CCKAR: variants seen among roughly 807,000 people sequenced by gnomAD.
CCKAR encodes the protein cholecystokinin A receptor, also known as cholecystokinin receptor type A.
A neutral mutation model predicts 29.8 loss-of-function variants in CCKAR; 21 were observed. That is an observed-to-expected ratio of 0.70 (90% confidence interval 0.50 to 1.01). The LOEUF is 1.01. Ranked by LOEUF, CCKAR falls within the 50% of genes least tolerant of loss-of-function variation. The pLI is 0.00. For synonymous variants in CCKAR, 238 were observed against 221.3 expected (o/e 1.08, Z -0.67); for missense variants, 570 against 560.6 (o/e 1.02, Z -0.17).
Position 26,489,244 on chromosome 4 carries a change from G to A in CCKAR, c.353C>T (p.Thr118Ile), listed in dbSNP as rs202206580. The A allele has an allele frequency of 1.8e-4, 290 of 1,614,012 alleles. No individual in the cohort carries two copies. The highest frequency in any genetic ancestry group is 2.3e-4 in the Non-Finnish European group (272 of 1,180,010). The change falls in exon 2 of 5, where the codon ACC becomes ATC. Residue 118 changes from threonine to isoleucine, a missense_variant. Physicochemically the swap from Thr to Ile is moderately conservative, Grantham distance 89. Coordinates refer to ENST00000295589, the MANE Select transcript of CCKAR (RefSeq NM_000730.3). ...IFGSAVCKTTTYFMGTSVSVS... is the reference protein window; with the variant it reads ...IFGSAVCKTTIYFMGTSVSVS... ...CAGCAGCAACTTACCCATGAAGTAG[G>A]TGGTGGTCTTGCAAACGGCGCTCCC...
intron 4 of CCKAR, among the ~76,000 whole-genome samples, 191 bp downstream of exon 4, chr4:26,482,965 G>A (rs760490743): frequency 6.6e-6 from 1 of 152,216 alleles, no homozygotes; most frequent in Non-Finnish European, 1.5e-5. Context: ...TGAAAGGAAT[G>A]ATTTCCCCAT....
Position 26,485,668 on chromosome 4 carries a change from G to C in CCKAR, c.595C>G (p.Leu199Val). Residue 199 changes from leucine to valine, a missense_variant, in exon 3 of 5, where the codon CTA (leucine) becomes GTA (valine). By Grantham distance (32) the Leu-to-Val change is conservative. Transcript: ENST00000295589. ...TGCTGCATAACATCATTTGGCAGTA[G>C]AAAGCGGCACATATTCGCGGTCTGG... ...NNQTANMCRF[L>V]LPNDVMQQSW... is the part of the protein sequence containing the mutation. 1 of 1,614,182 alleles carries C rather than the reference G, an allele frequency of 6.2e-7. No homozygotes were observed. Among genetic ancestry groups the C allele is most frequent in the Non-Finnish European group, 8.5e-7 (1 of 1,180,030 alleles).
In CCKAR at chr4:26,489,225, C is replaced by T; in HGVS notation, c.364+8G>A. ...AAGCTCCAGAAAGAGTCACCAGCAG[C>T]AACTTACCCATGAAGTAGGTGGTGG... On this transcript the variant is annotated splice_region_variant and intron_variant, in intron 2 of 4. Coordinates refer to ENST00000295589, the MANE Select transcript of CCKAR (RefSeq NM_000730.3). The T allele has an allele frequency of 6.2e-7, 1 of 1,613,812 alleles. No individual in the cohort carries two copies. The highest frequency in any genetic ancestry group is 8.5e-7 in the Non-Finnish European group (1 of 1,179,790).
chr4:26,481,942 G>C lies in CCKAR; in HGVS notation c.983C>G (p.Pro328Arg). ...IVVLFFLCWM[P>R]IFSANAWRAY... ...CCGCCAGGCGTTGGCGCTGAAGATG[G>C]GCATCCAGCACAGGAAGAAGAGGAC... The change falls in exon 5 of 5, where the codon CCC becomes CGC. Residue 328 changes from proline to arginine, a missense_variant. Coordinates refer to ENST00000295589, the MANE Select transcript of CCKAR (RefSeq NM_000730.3). The C allele has an allele frequency of 6.2e-7, 1 of 1,614,230 alleles. No homozygotes were observed.
chr4:26,481,708 C>A lies in CCKAR; in HGVS notation c.1217G>T (p.Gly406Val). Residue 406 changes from glycine (G) to valine (V), a missense_variant, in exon 5 of 5, where the codon GGC becomes GTC. Gly to Val is a moderately radical substitution (Grantham distance 109). Transcript: ENST00000295589. ...GGACAGAGAGGCTCCTGTGGTCCCG[C>A]CTTCCTCCTCCTCCCCCACCTCTCC... ...ARGEVGEEEEGGTTGASLSRF... is the reference protein window; with the variant it reads ...ARGEVGEEEEVGTTGASLSRF... The A allele has an allele frequency of 6.2e-7, 1 of 1,614,208 alleles. No individual in the cohort carries two copies.
At chr4:26,483,034 CA>C (rs1451139806) in intron 4 of CCKAR, 121 bp downstream of exon 4, 2 of 948,766 alleles carry the variant, frequency 2.1e-6, no homozygotes, top group Non-Finnish European at 3.1e-6. Flanking sequence ...CACAGAATCT[CA>C]TAAGAATACT....
In CCKAR at chr4:26,481,696, C is replaced by T. The variant is rs1473261493; in HGVS notation, c.1229G>A (p.Gly410Glu). The change falls in exon 5 of 5, where the codon GGA becomes GAA. Residue 410 changes from glycine (G) to glutamate (E), a missense_variant. Physicochemically the swap from Gly to Glu is moderately conservative, Grantham distance 98 (BLOSUM62 -2). Transcript: ENST00000295589. ...VGEEEEGGTT[G>E]ASLSRFSYSH... ...GTACGAGAACCTGGACAGAGAGGCTCCTGTGGTCCCGCCTTCCTCCTCCTC... is the reference window on the plus strand; with the variant it reads ...GTACGAGAACCTGGACAGAGAGGCTTCTGTGGTCCCGCCTTCCTCCTCCTC... The T allele has an allele frequency of 6.2e-7, 1 of 1,614,232 alleles. No homozygotes were observed. The highest frequency in any genetic ancestry group is 1.7e-5 in the Admixed American group (1 of 60,036).
At chr4:26,488,266 G>A (rs1417332192) in intron 2 of CCKAR, among the ~76,000 whole-genome samples, 3 of 152,190 alleles carry the variant, frequency 2.0e-5, no homozygotes, top group Admixed American at 2.0e-4. Flanking sequence ...AACCACAGCA[G>A]TTGGCAAACT....
chr4:26,489,810 C>A (rs1737523129), intron 1 of CCKAR, among the ~76,000 whole-genome samples: 1 of 152,060 alleles, frequency 6.6e-6, no homozygotes, highest in South Asian at 2.1e-4. Flanking sequence ...GCTGGGTTTC[C>A]CCCCAAGAAA....
rs74671182 is a variant in CCKAR, at chr4:26,485,838, G to A, written c.425C>T (p.Ala142Val). 107 of 1,613,534 alleles carry A rather than the reference G, an allele frequency of 6.6e-5. No individual in the cohort carries two copies. The highest frequency in any genetic ancestry group is 7.8e-5 in the Non-Finnish European group (92 of 1,179,734). The change falls in exon 3 of 5, where the codon GCG becomes GTG. Residue 142 changes from alanine to valine, a missense_variant. Physicochemically the swap from Ala to Val is moderately conservative, Grantham distance 64 (BLOSUM62 0). Transcript: ENST00000295589. Reference sequence around the variant, plus strand: ...CCGGGACTGTAAGGGTTTGCAAATCGCACCATATCTCTCTAGAGATATGGC... The same window carrying A: ...CCGGGACTGTAAGGGTTTGCAAATCACACCATATCTCTCTAGAGATATGGC... ...LVAISLERYG[A>V]ICKPLQSRVW... is the part of the protein sequence containing the mutation.
chr4:26,487,462 G>A (rs1172032045), intron 2 of CCKAR, among the ~76,000 whole-genome samples: 1 of 152,102 alleles, frequency 6.6e-6, no homozygotes, highest in African/African-American at 2.4e-5. Flanking sequence ...CTGCATAATG[G>A]ATCATCAATA....
intron 4 of CCKAR, among the ~76,000 whole-genome samples, chr4:26,482,512 C>T (rs1450559570): frequency 1.3e-5 from 2 of 152,120 alleles, no homozygotes; most frequent in African/African-American, 2.4e-5. Context: ...TTCCAGATTG[C>T]TTTTATGATG....
Position 26,481,484 on chromosome 4 carries a change from T to A in CCKAR, c.*154A>T. The stretch of plus-strand genomic sequence containing the variant: ...CTGGAGCAGTGCTCTGGAATCCAGA[T>A]GAAGGATGAAAAGCAGACCTTGAAG... On this transcript the variant is annotated 3_prime_UTR_variant, in exon 5 of 5. Transcript: ENST00000295589. 1.2e-6 allele frequency: 1 copy of A among 800,372 alleles called. No individual in the cohort carries two copies. Among genetic ancestry groups the A allele is most frequent in the Non-Finnish European group, 2.0e-6 (1 of 495,926 alleles). The allele number at this position is 800,372 out of a possible 1,614,324, so 49.6% of individuals were successfully genotyped here. A position where few individuals can be genotyped will look rare whatever the true frequency, so the allele number is the denominator to read the frequency against.
intron 3 of CCKAR, among the ~76,000 whole-genome samples, chr4:26,485,258 C>A (rs1348862562): frequency 2.0e-5 from 3 of 151,874 alleles, no homozygotes; most frequent in Admixed American, 6.6e-5. Context: ...CAGCCTAACC[C>A]TCCACTACAG....
chr4:26,485,608 A>G (rs1179631318), intron 3 of CCKAR, 29 bp downstream of exon 3: 2 of 1,608,472 alleles, frequency 1.2e-6, no homozygotes, highest in Non-Finnish European at 1.7e-6. Context: ...ATCAAGCTGT[A>G]TTTTTAAAAA....
chr4:26,481,740 C>G lies in CCKAR; in HGVS notation c.1185G>C (p.Gly395=), dbSNP rs772277022. Residue 395 remains glycine (G), a synonymous_variant, in exon 5 of 5, where the codon GGG becomes GGC. Transcript: ENST00000295589. ...FPCCPNPGPP[G]ARGEVGEEEE... ...CCTCCTCCCCCACCTCTCCCCTCGC[C>G]CCTGGGGGACCAGGATTGGGGCAGC... 1.9e-6 allele frequency: 3 copies of G among 1,614,194 alleles called. No individual in the cohort carries two copies. The highest frequency in any genetic ancestry group is 2.5e-6 in the Non-Finnish European group (3 of 1,180,018).
chr4:26,485,942 C>T, intron 2 of CCKAR, 44 bp from the exon 3 acceptor site: 2 of 1,586,376 alleles, frequency 1.3e-6, no homozygotes, highest in South Asian at 1.1e-5. Context: ...CTCTGAAATC[C>T]AAAGTTTATT....
In CCKAR at chr4:26,490,255, C is replaced by T. The variant is rs758853459; in HGVS notation, c.13G>A (p.Asp5Asn). 6 of 1,609,934 alleles carry T rather than the reference C, an allele frequency of 3.7e-6. No individual in the cohort carries two copies. The highest frequency in any genetic ancestry group is 1.7e-5 in the Admixed American group (1 of 59,944). MDVV[D>N]SLLVNGSNIT... ...TTGCTTCCATTCACAAGAAGGCTGT[C>T]AACCACATCCATCCTTGCCTGCTGC... Residue 5 changes from aspartate to asparagine, a missense_variant, in exon 1 of 5, where the codon GAC becomes AAC. Coordinates refer to ENST00000295589, the MANE Select transcript of CCKAR (RefSeq NM_000730.3).
At chr4:26,489,163 G>A in intron 2 of CCKAR, 70 bp downstream of exon 2, 2 of 1,587,162 alleles carry the variant, frequency 1.3e-6, no homozygotes, top group Non-Finnish European at 8.6e-7. Flanking sequence ...GATTGTCAGA[G>A]GTTTGGGAAG....
Sources: allele counts gnomAD v4.1 joint callset (sites outside exome capture counted in the v4.1 genomes callset), GRCh38; gene constraint gnomAD v4.1.1; transcripts MANE v1.5; gene names NCBI Gene and HGNC (gene_info 2026-07-23, HGNC 2026-07-21).